BCAS1: variants seen among roughly 807,000 people sequenced by gnomAD.
BCAS1 encodes the protein brain enriched myelin associated protein 1, also known as breast carcinoma-amplified sequence 1.
In BCAS1, 46 loss-of-function variants were observed where a neutral mutation model predicts 65.4. The ratio of observed to expected loss-of-function variants is 0.70; its 90% CI spans 0.55 to 0.90. BCAS1 has a LOEUF of 0.90. Among genes scored for constraint, BCAS1 ranks in the 40% least tolerant of loss-of-function variants. The probability of loss-of-function intolerance (pLI) is 0.00; values close to 1 mark genes in which losing one functional copy is unlikely to be tolerated. For synonymous variants in BCAS1, 298 were observed against 293.5 expected (o/e 1.02, Z -0.16); for missense variants, 793 against 771.2 (o/e 1.03, Z -0.33).
chr20:54,049,105 G>C (rs1361443562), intron 3 of BCAS1, among the ~76,000 whole-genome samples: 2 of 152,136 alleles, frequency 1.3e-5, no homozygotes, highest in Non-Finnish European at 2.9e-5. Flanking sequence ...CTTTGACTAG[G>C]CATTGATATT....
At chr20:54,009,084 A>G (rs1222729928) in intron 4 of BCAS1, among the ~76,000 whole-genome samples, 1 of 152,238 alleles carries the variant, frequency 6.6e-6, no homozygotes, top group African/African-American at 2.4e-5. Flanking sequence ...AAGTTCTGGG[A>G]TTACAGGCGT....
At position 53,962,938 on chromosome 20, in the gene BCAS1, C is replaced by T. The variant is rs563732874; in HGVS notation, c.1485+3968G>A. Among the ~76,000 whole-genome samples the T allele has an allele frequency of 3.3e-5, 5 of 152,172 alleles. No homozygotes were observed. In the East Asian group the frequency reaches 9.8e-4, roughly 30 times the overall value. On this transcript the variant is annotated intron_variant, in intron 10 of 12. Transcript: ENST00000688948. ...CGATCTCAGCTCACTGCAAGCTCTGCCTCCCGGATTCACGCCATTCTCCTG... is the reference window on the plus strand; with the variant it reads ...CGATCTCAGCTCACTGCAAGCTCTGTCTCCCGGATTCACGCCATTCTCCTG...
chr20:53,947,711 C>T (rs10485442), intron 12 of BCAS1, among the ~76,000 whole-genome samples: 32,032 of 152,074 alleles, frequency 0.21, 3,690 homozygotes, highest in East Asian at 0.38. Flanking sequence ...TCTCTGAACC[C>T]TGAGCTGGGT....
At chr20:54,035,193 A>G (rs1323230710) in intron 3 of BCAS1, among the ~76,000 whole-genome samples, 1 of 150,934 alleles carries the variant, frequency 6.6e-6, no homozygotes. Flanking sequence ...AGGGCGGATC[A>G]TGAGGTCAGG....
intron 4 of BCAS1, among the ~76,000 whole-genome samples, chr20:54,014,347 C>T (rs1013260388): frequency 6.6e-6 from 1 of 152,202 alleles, no homozygotes; most frequent in Non-Finnish European, 1.5e-5. Flanking sequence ...GATAGGAACA[C>T]TGCTAAAGTG....
At chr20:53,991,533 C>A (rs1300243073) in intron 7 of BCAS1, among the ~76,000 whole-genome samples, 2 of 152,158 alleles carry the variant, frequency 1.3e-5, no homozygotes, top group Non-Finnish European at 2.9e-5. Flanking sequence ...TTCAAGCATG[C>A]TAACCCAATT....
chr20:54,062,263 A>G (rs1027392214), intron 1 of BCAS1, among the ~76,000 whole-genome samples: 2 of 152,234 alleles, frequency 1.3e-5, no homozygotes, highest in Non-Finnish European at 2.9e-5. Flanking sequence ...ATAGAGTAAT[A>G]ACAATAACAA....
intron 3 of BCAS1, among the ~76,000 whole-genome samples, chr20:54,035,329 A>T (rs2091879956): frequency 1.4e-5 from 2 of 147,620 alleles, no homozygotes; most frequent in Non-Finnish European, 3.0e-5. Flanking sequence ...TGAACCCGGG[A>T]GACAGAGCTT....
At chr20:53,975,516 A>C in intron 8 of BCAS1, 86 bp from the exon 9 acceptor site, 30 of 1,128,412 alleles carry the variant, frequency 2.7e-5, no homozygotes, top group Middle Eastern at 2.0e-4. Flanking sequence ...AGTTGGGCTC[A>C]CAGTCTTGGG....
chr20:53,954,512 T>G (rs2089642161), intron 11 of BCAS1, among the ~76,000 whole-genome samples: 1 of 152,346 alleles, frequency 6.6e-6, no homozygotes, highest in African/African-American at 2.4e-5. Context: ...TGGTGTGAAA[T>G]TGTCCTTTTG....
chr20:54,050,802 C>T (rs1395615216), intron 3 of BCAS1, among the ~76,000 whole-genome samples: 3 of 152,124 alleles, frequency 2.0e-5, no homozygotes, highest in African/African-American at 7.2e-5. Flanking sequence ...ACATATGTGC[C>T]TTTTAAAACT....
At chr20:53,967,847 C>T (rs949818348) in intron 9 of BCAS1, among the ~76,000 whole-genome samples, 3 of 152,232 alleles carry the variant, frequency 2.0e-5, no homozygotes, top group Non-Finnish European at 2.9e-5. Context: ...GCCCCAGTCA[C>T]ATCTGGGACA....
At chr20:54,021,120 A>G (rs2091547270) in intron 4 of BCAS1, among the ~76,000 whole-genome samples, 1 of 152,182 alleles carries the variant, frequency 6.6e-6, no homozygotes, top group Non-Finnish European at 1.5e-5. Flanking sequence ...CCTTCTTTCT[A>G]CTGAAGAAAC....
At position 54,028,492 on chromosome 20, in the gene BCAS1, G is replaced by T. The variant is rs926808693; in HGVS notation, c.623C>A (p.Pro208Gln). 3 of 1,614,082 alleles carry T rather than the reference G, an allele frequency of 1.9e-6. No individual in the cohort carries two copies. The African/African-American group carries it at 4.0e-5, about 22-fold the overall frequency. Residue 208 changes from proline to glutamine, a missense_variant, in exon 4 of 13, where the codon CCA (proline) becomes CAA (glutamine). Pro to Gln is a moderately conservative substitution (Grantham distance 76, BLOSUM62 -1). Transcript: ENST00000688948. ...CTTGGCTTCCTGTTGGCTGTCACCT[G>T]GCACCTTTTCCTGTCCCTTGTCCAG... ...FKLDKGQEKV[P>Q]GDSQQEAKRA...
At chr20:53,950,176 C>A (rs1296912213) in intron 12 of BCAS1, among the ~76,000 whole-genome samples, 1 of 152,082 alleles carries the variant, frequency 6.6e-6, no homozygotes, top group African/African-American at 2.4e-5. Context: ...GGTCCCCGCC[C>A]ACGGCTCCAA....
chr20:53,945,994 G>C (rs978581662), intron 12 of BCAS1, among the ~76,000 whole-genome samples: 5 of 151,980 alleles, frequency 3.3e-5, no homozygotes, highest in African/African-American at 1.2e-4. Context: ...GGATGGTCTT[G>C]AACTGCTGGG....
intron 4 of BCAS1, among the ~76,000 whole-genome samples, chr20:54,009,059 C>T (rs997759366): frequency 6.6e-5 from 10 of 152,102 alleles, no homozygotes; most frequent in African/African-American, 1.7e-4. Context: ...GTGATCTGCC[C>T]GCCTTGGCCT....
chr20:54,030,350 C>T (rs776482126), intron 3 of BCAS1, among the ~76,000 whole-genome samples: 3 of 152,182 alleles, frequency 2.0e-5, no homozygotes, highest in Non-Finnish European at 4.4e-5. Flanking sequence ...TGTTGTAATG[C>T]TTAAAGAAGA....
chr20:53,984,022 T>TC (rs5841968), intron 8 of BCAS1, among the ~76,000 whole-genome samples: 34,134 of 152,146 alleles, frequency 0.22, 5,403 homozygotes, highest in East Asian at 0.49. Context: ...TGTAATACTG[T>TC]CTTTTTATTA....
Sources: allele counts gnomAD v4.1 joint callset (sites outside exome capture counted in the v4.1 genomes callset), GRCh38; gene constraint gnomAD v4.1.1; transcripts MANE v1.5; gene names NCBI Gene and HGNC (gene_info 2026-07-23, HGNC 2026-07-21).